RP9: variants seen among roughly 807,000 people sequenced by gnomAD.
RP9 encodes RP9 pre-mRNA splicing factor, also known as retinitis pigmentosa 9 protein.
A neutral mutation model predicts 32.6 loss-of-function variants in RP9; 23 were observed. The observed-to-expected ratio is 0.71, with a 90% confidence interval of 0.51 to 1.00. RP9 has a LOEUF of 1.00. Among genes scored for constraint, RP9 ranks in the 50% least tolerant of loss-of-function variants. The pLI, the probability that RP9 is intolerant of heterozygous loss-of-function variation, is 0.00. For missense variants in RP9, 245 were observed against 285.3 expected (o/e 0.86, Z 1.02); for synonymous variants, 94 against 103.6 (o/e 0.91, Z 0.56).
intron 3 of RP9, 123 bp from the exon 4 acceptor site, chr7:33,097,485 T>C (rs1788355828): frequency 1.7e-5 from 12 of 715,986 alleles, no homozygotes; most frequent in Middle Eastern, 2.7e-4. Flanking sequence ...AATATAATTA[T>C]GGACAAGCCA....
chr7:33,100,398 C>T, intron 2 of RP9, 133 bp downstream of exon 2: 1 of 802,480 alleles, frequency 1.2e-6, no homozygotes, highest in Admixed American at 2.0e-5. Flanking sequence ...TATGACCCCT[C>T]ATTCATCTGC....
intron 5 of RP9, among the ~76,000 whole-genome samples, chr7:33,095,690 G>A (rs948535445): frequency 4.6e-5 from 7 of 152,066 alleles, no homozygotes; most frequent in Non-Finnish European, 1.0e-4. Flanking sequence ...CCTTACAATT[G>A]TAATTTCTAA....
At chr7:33,105,826 A>G (rs1000086794) in intron 1 of RP9, among the ~76,000 whole-genome samples, 11 of 152,242 alleles carry the variant, frequency 7.2e-5, no homozygotes, top group African/African-American at 2.7e-4. Flanking sequence ...GCATAAAAAT[A>G]GTTTCCTCTG....
Position 33,095,420 on chromosome 7 carries a change from T to C in RP9, c.480A>G (p.Leu160=). ...RHEKDVRIQQ[L]KQLLEDSTSD... Reference sequence around the variant, plus strand: ...AGGTAGAATCCTCCAGTAACTGTTTTAACTGCTGTATCCTAAACATTCAAA... The same window carrying C: ...AGGTAGAATCCTCCAGTAACTGTTTCAACTGCTGTATCCTAAACATTCAAA... Residue 160 remains leucine (L), a synonymous_variant, in exon 6 of 6, where the codon TTA becomes TTG. Transcript: ENST00000297157. 1 of 1,613,942 alleles carries C rather than the reference T, an allele frequency of 6.2e-7. No homozygotes were observed. Among genetic ancestry groups the C allele is most frequent in the Non-Finnish European group, 8.5e-7 (1 of 1,179,880 alleles).
intron 1 of RP9, among the ~76,000 whole-genome samples, chr7:33,104,004 T>C (rs1788464617): frequency 6.6e-6 from 1 of 152,102 alleles, no homozygotes; most frequent in Admixed American, 6.5e-5. Context: ...TGAGTGAAGA[T>C]ATTTCACTTA....
At chr7:33,101,658 TG>T (rs1396697190) in intron 1 of RP9, among the ~76,000 whole-genome samples, 1 of 152,086 alleles carries the variant, frequency 6.6e-6, no homozygotes, top group Non-Finnish European at 1.5e-5. Flanking sequence ...GAAAGCAACT[TG>T]ATGGACAATG....
chr7:33,100,984 A>T (rs1441822910), intron 1 of RP9: 5 of 335,582 alleles, frequency 1.5e-5, no homozygotes, highest in Non-Finnish European at 2.9e-5. Context: ...CTGTCCCTTG[A>T]CCCTTTAAAC....
In RP9 at chr7:33,095,129, A is replaced by G. The variant is rs1484899745; in HGVS notation, c.*105T>C. On this transcript the variant is annotated 3_prime_UTR_variant, in exon 6 of 6. Coordinates refer to ENST00000297157, the MANE Select transcript of RP9 (RefSeq NM_203288.2). ...GGGAGCTCACTGCTGTGACCCACAT[A>G]TACTCCTCTCTCGGCGTCTCTATCC... is the stretch of plus-strand genomic sequence containing the variant. The G allele has an allele frequency of 7.3e-7, 1 of 1,360,550 alleles. No homozygotes were observed. Among genetic ancestry groups the G allele is most frequent in the Non-Finnish European group, 1.0e-6 (1 of 952,692 alleles). 84.3% of individuals were successfully genotyped at this position (1,360,550 alleles called of 1,614,324 possible).
intron 4 of RP9, 121 bp downstream of exon 4, chr7:33,097,150 T>G: frequency 2.6e-6 from 2 of 755,620 alleles, no homozygotes; most frequent in Non-Finnish European, 2.4e-6. Context: ...GCACACACTT[T>G]GGTCAAAGGG....
At chr7:33,097,452 A>G in intron 3 of RP9, 90 bp from the exon 4 acceptor site, 2 of 906,804 alleles carry the variant, frequency 2.2e-6, no homozygotes, top group Non-Finnish European at 3.5e-6. Flanking sequence ...GTTTTTCTTC[A>G]TTAAACTCTA....
Position 33,100,559 on chromosome 7 carries a change from T to G in RP9, c.155A>C (p.Tyr52Ser). ...GATAAGCCCAGGAGGAGGTTTTTCG[T>G]AACTGGAAAACAAAAAACAAAACCT... Reference protein sequence around the residue: ...LQQLKHLESFYEKPPPGLIKE... With the variant: ...LQQLKHLESFSEKPPPGLIKE... The change falls in exon 2 of 6, where the codon TAC (tyrosine) becomes TCC (serine). Residue 52 changes from tyrosine to serine, a missense_variant and splice_region_variant. Coordinates refer to ENST00000297157, the MANE Select transcript of RP9 (RefSeq NM_203288.2). 1 of 1,613,504 alleles carries G rather than the reference T, an allele frequency of 6.2e-7. No homozygotes were observed. Among genetic ancestry groups the G allele is most frequent in the Non-Finnish European group, 8.5e-7 (1 of 1,179,430 alleles).
chr7:33,101,327 C>G (rs563805355), intron 1 of RP9, among the ~76,000 whole-genome samples: 1 of 152,180 alleles, frequency 6.6e-6, no homozygotes, highest in Non-Finnish European at 1.5e-5. Context: ...TTTGGCCAGG[C>G]GTGGTGGCTC....
At chr7:33,104,773 G>A (rs762048340) in intron 1 of RP9, among the ~76,000 whole-genome samples, 10 of 152,146 alleles carry the variant, frequency 6.6e-5, no homozygotes, top group Non-Finnish European at 1.0e-4. Flanking sequence ...TAGAGACAGG[G>A]TCTCACATTG....
At chr7:33,107,255 T>G (rs1788512170) in intron 1 of RP9, among the ~76,000 whole-genome samples, 1 of 152,192 alleles carries the variant, frequency 6.6e-6, no homozygotes. Flanking sequence ...ATCAGACACC[T>G]GGGTTCAGCT....
intron 3 of RP9, among the ~76,000 whole-genome samples, chr7:33,097,854 A>G (rs1788363666): frequency 1.3e-5 from 2 of 151,996 alleles, no homozygotes. Flanking sequence ...TCCTGACCTC[A>G]GGTGATCCGC....
Position 33,096,741 on chromosome 7 carries a change from G to A in RP9, c.406-187C>T, listed in dbSNP as rs1788341149. The stretch of plus-strand genomic sequence containing the variant: ...GGCTAAAAAATGGATTTTCCAATTA[G>A]AAAAATACAGGAAATGGCTACTCTC... On this transcript the variant is annotated intron_variant, in intron 4 of 5. Coordinates refer to ENST00000297157, the MANE Select transcript of RP9 (RefSeq NM_203288.2). Among the ~76,000 whole-genome samples the A allele has an allele frequency of 7.2e-5, 11 of 152,102 alleles. 1 individual carries two copies. The South Asian group carries it at 2.3e-3, about 31-fold the overall frequency.
In RP9 at chr7:33,109,303, G is replaced by C; in HGVS notation, c.70C>G (p.Gln24Glu). Residue 24 changes from glutamine (Q) to glutamate (E), a missense_variant, in exon 1 of 6, where the codon CAG becomes GAG. Around this residue, in one of 2 missense-constraint regions of RP9, gnomAD observed 182 missense variants for 175.5 expected, o/e 1.04. Transcript: ENST00000297157. This position sits in a 1 kb window ranked among gnomAD's most constrained non-coding sequence, Gnocchi z 4.9. ...TGCTCCCGACGTCGCTGCAGCTCCT[G>C]CTCCGGCGGCTCACGCGGCCGCCGC... ...GARRPREPPEQELQRRREQKR... is the reference protein window; with the variant it reads ...GARRPREPPEEELQRRREQKR... 2 of 1,471,830 alleles carry C rather than the reference G, an allele frequency of 1.4e-6. No homozygotes were observed. Among genetic ancestry groups the C allele is most frequent in the Non-Finnish European group, 1.8e-6 (2 of 1,115,940 alleles). 91.2% of individuals were successfully genotyped at this position (1,471,830 alleles called of 1,614,324 possible).
chr7:33,105,840 C>G (rs1788491368), intron 1 of RP9, among the ~76,000 whole-genome samples: 3 of 152,204 alleles, frequency 2.0e-5, no homozygotes, highest in African/African-American at 4.8e-5. Context: ...TCCTCTGGGT[C>G]TCTGGGTCTT....
Position 33,095,091 on chromosome 7 carries a change from C to T in RP9, c.*143G>A. 1 of 723,264 alleles carries T rather than the reference C, an allele frequency of 1.4e-6. No homozygotes were observed. The highest frequency in any genetic ancestry group is 2.4e-6 in the Non-Finnish European group (1 of 413,906). The allele number at this position is 723,264 out of a possible 1,614,324, so 44.8% of individuals were successfully genotyped here. A position where few individuals can be genotyped will look rare whatever the true frequency, so the allele number is the denominator to read the frequency against. Reference sequence around the variant, plus strand: ...TCCCTCTCCTGGGGTCACATCTTCACTGCAAGGCGGGTGGGAGCTCACTGC... The same window carrying T: ...TCCCTCTCCTGGGGTCACATCTTCATTGCAAGGCGGGTGGGAGCTCACTGC... On this transcript the variant is annotated 3_prime_UTR_variant, in exon 6 of 6. Transcript: ENST00000297157.
Sources: gnomAD v4.1 joint callset for allele counts (sites outside exome capture counted in the v4.1 genomes callset) on GRCh38, gnomAD v4.1.1 for gene constraint, gnomAD v4.1.1 regional missense constraint, Gnocchi (gnomAD v3.1) non-coding constraint, MANE v1.5 for transcripts, NCBI Gene and HGNC (gene_info 2026-07-23, HGNC 2026-07-21) for gene names.